LATS1: variants seen among roughly 807,000 people sequenced by gnomAD.
The protein encoded by LATS1 is serine/threonine-protein kinase LATS1.
Under a neutral mutation model 106.6 loss-of-function variants are expected in LATS1, and 25 were observed. That is an observed-to-expected ratio of 0.23 (90% CI 0.17 to 0.33). The LOEUF (loss-of-function observed/expected upper bound fraction) is 0.33, where lower values mean the gene tolerates loss of function less well. LATS1 is among the 10% of genes least tolerant of loss of function. The pLI is 1.00. For synonymous variants in LATS1, 465 were observed against 455.6 expected, an observed-to-expected ratio of 1.02 and a Z score of -0.26; for missense variants, 1,040 against 1,382.6, an observed-to-expected ratio of 0.75 and a Z score of 3.93.
chr6:149,678,162 TCCAAAAAAAAAAAA>T (rs1435863891), intron 5 of LATS1, among the ~76,000 whole-genome samples: 14 of 28,628 alleles, frequency 4.9e-4, no homozygotes, highest in East Asian at 4.4e-3. Context: ...CTACTAAAAA[TCCAAAAAAAAAAAA>T]AAAAAAAAAA....
chr6:149,697,166 G>T (rs1423569568), intron 2 of LATS1: 3 of 1,339,782 alleles, frequency 2.2e-6, no homozygotes, highest in Non-Finnish European at 3.0e-6. Flanking sequence ...TGGGTGAACA[G>T]GCTACTGACA....
chr6:149,682,940 T>C (rs1458358882), intron 4 of LATS1, 139 bp downstream of exon 4: 7 of 666,480 alleles, frequency 1.1e-5, no homozygotes, highest in Non-Finnish European at 1.7e-5. Flanking sequence ...TTAATATTTA[T>C]TCACTTTTAA....
Position 149,683,962 on chromosome 6 carries a change from T to A in LATS1, c.1127A>T (p.Tyr376Phe). Residue 376 changes from tyrosine (Y) to phenylalanine (F), a missense_variant, in exon 4 of 8, where the codon TAT becomes TTT. Transcript: ENST00000543571. ...TTGTCCATTAGCTGCTGTCAGAGGA[T>A]ATGGAGGTGGTGGCTGCCGATTCAC... is the stretch of plus-strand genomic sequence containing the variant. ...GTVNRQPPPP[Y>F]PLTAANGQSP... The A allele has an allele frequency of 6.2e-7, 1 of 1,614,208 alleles. No homozygotes were observed. The highest frequency in any genetic ancestry group is 8.5e-7 in the Non-Finnish European group (1 of 1,180,040).
At position 149,661,944 on chromosome 6, in the gene LATS1, T is replaced by G; in HGVS notation, c.3178A>C (p.Thr1060Pro). The part of the protein sequence containing the change: ...DDNEEENVND[T>P]LNGWYKNGKH... ...CCATTTTTATACCATCCATTGAGAG[T>G]GTCATTTACATTTTCTTCCTCGTTA... Residue 1060 changes from threonine to proline, a missense_variant, in exon 8 of 8, where the codon ACT becomes CCT. Thr to Pro is a conservative substitution (Grantham distance 38, BLOSUM62 -1). This residue lies in a region of LATS1 where 113 missense variants were observed against 146.3 expected (regional missense o/e 0.77). Transcript: ENST00000543571. 4 of 1,613,982 alleles carry G rather than the reference T, an allele frequency of 2.5e-6. No individual in the cohort carries two copies.
rs1034527661 is a variant in LATS1 at position 149,660,041 on chromosome 6, T to C, written c.*1688A>G. The C allele has an allele frequency of 4.3e-6, 1 of 232,394 alleles. No homozygotes were observed. Among genetic ancestry groups the C allele is most frequent in the Non-Finnish European group, 8.5e-6 (1 of 117,648 alleles). The allele number at this position is 232,394 out of a possible 1,614,324, so 14.4% of individuals were successfully genotyped here. ...AGTGATTGGTAAGTTAAAAACAAAG[T>C]TCTTAGTTTAATGTATCAATTTTCT... On this transcript the variant is annotated 3_prime_UTR_variant, in exon 8 of 8. Coordinates refer to ENST00000543571, the MANE Select transcript of LATS1 (RefSeq NM_004690.4).
chr6:149,683,988 A>G lies in LATS1; in HGVS notation c.1101T>C (p.Thr367=). ...MIHQNVVPAG[T]VNRQPPPPYP... is the part of the protein sequence containing the mutation. ...ATGGAGGTGGTGGCTGCCGATTCAC[A>G]GTGCCAGCAGGGACAACATTTTGGT... Residue 367 remains threonine, a synonymous_variant, in exon 4 of 8, where the codon ACT becomes ACC. Coordinates refer to ENST00000543571, the MANE Select transcript of LATS1 (RefSeq NM_004690.4). The G allele has an allele frequency of 6.2e-7, 1 of 1,614,054 alleles. No individual in the cohort carries two copies. The highest frequency in any genetic ancestry group is 8.5e-7 in the Non-Finnish European group (1 of 1,180,010).
At chr6:149,690,069 T>C (rs1782641978) in intron 3 of LATS1, among the ~76,000 whole-genome samples, 1 of 152,126 alleles carries the variant, frequency 6.6e-6, no homozygotes, top group African/African-American at 2.4e-5. Flanking sequence ...TAAGATATAT[T>C]ACAAACTGAC....
At chr6:149,670,491 G>C (rs1298103131) in intron 7 of LATS1, among the ~76,000 whole-genome samples, 1 of 151,988 alleles carries the variant, frequency 6.6e-6, no homozygotes, top group African/African-American at 2.4e-5. Flanking sequence ...AGGCAGCAGC[G>C]TGTGTGAACC....
intron 3 of LATS1, among the ~76,000 whole-genome samples, chr6:149,691,041 C>A (rs893321590): frequency 6.6e-6 from 1 of 152,020 alleles, no homozygotes; most frequent in Non-Finnish European, 1.5e-5. Flanking sequence ...AGTCCTCAAC[C>A]CACTCCAATC....
At chr6:149,709,474 C>A (rs1783967589) in intron 1 of LATS1, among the ~76,000 whole-genome samples, 1 of 152,116 alleles carries the variant, frequency 6.6e-6, no homozygotes, top group African/African-American at 2.4e-5. Flanking sequence ...CTTTCTCAGG[C>A]CTTTTGCCTG....
intron 1 of LATS1, among the ~76,000 whole-genome samples, chr6:149,717,062 A>G (rs1006237808): frequency 1.3e-5 from 2 of 152,222 alleles, no homozygotes; most frequent in Non-Finnish European, 2.9e-5. Flanking sequence ...GTTATACAAT[A>G]TTACTTCTGT....
rs1783162863 is a variant in LATS1 at position 149,697,382 on chromosome 6, G to C, written c.349-2161C>G. Among the ~76,000 whole-genome samples, 3 of 152,032 alleles carry C rather than the reference G, an allele frequency of 2.0e-5. No individual in the cohort carries two copies. The South Asian group carries it at 6.2e-4, about 32-fold the overall frequency. ...GGTCCTTCCTCGACCCCGTTTCCTA[G>C]GCAACAGATATGACACCTGTGCTAG... On this transcript the variant is annotated intron_variant, in intron 2 of 7. Transcript: ENST00000543571.
rs989279426 is a variant in LATS1 at position 149,713,381 on chromosome 6, G to A, written c.-141+4468C>T. ...GCCATCTCGGCTCACTGCAACCTCT[G>A]CCTCCCGGGTTCAAGCAATTCTTCT... On this transcript the variant is annotated intron_variant, in intron 1 of 7. Coordinates refer to ENST00000543571, the MANE Select transcript of LATS1 (RefSeq NM_004690.4). Among the ~76,000 whole-genome samples the A allele has an allele frequency of 6.6e-5, 10 of 151,294 alleles. 1 individual carries two copies.
In LATS1 at chr6:149,695,226, T is replaced by G; in HGVS notation, c.349-5A>C. 1.3e-6 allele frequency: 2 copies of G among 1,568,888 alleles called. No individual in the cohort carries two copies. The highest frequency in any genetic ancestry group is 1.7e-6 in the Non-Finnish European group (2 of 1,152,788). On this transcript the variant is annotated splice_region_variant and splice_polypyrimidine_tract_variant and intron_variant, in intron 2 of 7. Coordinates refer to ENST00000543571, the MANE Select transcript of LATS1 (RefSeq NM_004690.4). ...AAGAGCTTGTATAACCATATCCTGA[T>G]ATGAATTGAAGTTTAAAAAAAAAGA... is the stretch of plus-strand genomic sequence containing the variant.
At chr6:149,676,858 C>A in intron 5 of LATS1, 121 bp from the exon 6 acceptor site, 1 of 817,770 alleles carries the variant, frequency 1.2e-6, no homozygotes, top group Non-Finnish European at 1.9e-6. Flanking sequence ...CAAACTAAGA[C>A]ACAATGTATG....
At chr6:149,714,998 T>C (rs1306412763) in intron 1 of LATS1, among the ~76,000 whole-genome samples, 1 of 152,232 alleles carries the variant, frequency 6.6e-6, no homozygotes, top group Non-Finnish European at 1.5e-5. Flanking sequence ...AGTTCAACCT[T>C]ATTCCTTTAA....
chr6:149,703,754 T>C (rs1475099202), intron 1 of LATS1, among the ~76,000 whole-genome samples: 4 of 152,120 alleles, frequency 2.6e-5, no homozygotes, highest in African/African-American at 7.2e-5. Context: ...ACTTGGACAT[T>C]TAATTCTCTG....
chr6:149,672,428 C>T (rs1781491205), intron 7 of LATS1, among the ~76,000 whole-genome samples: 1 of 151,208 alleles, frequency 6.6e-6, no homozygotes, highest in African/African-American at 2.4e-5. Context: ...AGGCTGGTCT[C>T]AAACTCCTGA....
chr6:149,713,541 C>T (rs1383360009), intron 1 of LATS1, among the ~76,000 whole-genome samples: 1 of 152,154 alleles, frequency 6.6e-6, no homozygotes, highest in Non-Finnish European at 1.5e-5. Context: ...GGTGATCCAC[C>T]CGCCTTGGCC....
Sources: allele counts gnomAD v4.1 joint callset (sites outside exome capture counted in the v4.1 genomes callset), GRCh38; gene constraint gnomAD v4.1.1; regional missense constraint gnomAD v4.1.1; transcripts MANE v1.5; gene names NCBI Gene and HGNC (gene_info 2026-07-23, HGNC 2026-07-21).